Variants in SHISA9 observed in about 807,000 individuals in gnomAD.
SHISA9 encodes shisa family member 9, also known as protein shisa-9.
SHISA9 carries 13 observed loss-of-function variants against 38.0 expected under a neutral mutation model. The observed-to-expected ratio is 0.34, with a 90% CI of 0.22 to 0.54. SHISA9 has a LOEUF of 0.54. Among genes scored for constraint, SHISA9 ranks in the 20% least tolerant of loss-of-function variants. The probability of loss-of-function intolerance (pLI) is 0.91; values close to 1 mark genes in which losing one functional copy is unlikely to be tolerated. For synonymous variants in SHISA9, 275 were observed against 242.0 expected, an observed-to-expected ratio of 1.14 and a Z score of -1.27; for missense variants, 538 against 575.8, an observed-to-expected ratio of 0.93 and a Z score of 0.67.
At chr16:13,442,177 G>A in the SHISA9 span, among the ~76,000 whole-genome samples, 3 of 152,184 alleles carry the variant, frequency 2.0e-5, no homozygotes, top group African/African-American at 4.8e-5. Context: ...TAGTTTTGTT[G>A]TTGATGTTTC....
intron 2 of SHISA9, among the ~76,000 whole-genome samples, chr16:12,933,524 C>G (rs768184012): frequency 1.2e-4 from 19 of 152,140 alleles, no homozygotes; most frequent in Non-Finnish European, 2.4e-4. Context: ...GATTCCTGAC[C>G]TCAGGCGATC....
At chr16:13,389,454 G>C in the SHISA9 span, among the ~76,000 whole-genome samples, 4 of 152,160 alleles carry the variant, frequency 2.6e-5, no homozygotes, top group Admixed American at 2.6e-4. Flanking sequence ...GTGGAAAGCA[G>C]TTCACTATGT....
At chr16:13,041,432 T>C (rs987594985) in intron 2 of SHISA9, among the ~76,000 whole-genome samples, 1 of 152,200 alleles carries the variant, frequency 6.6e-6, no homozygotes, top group Non-Finnish European at 1.5e-5. Flanking sequence ...CTTCCTCCAG[T>C]GCAAACCTTT....
chr16:13,203,544 C>T lies in SHISA9; in HGVS notation c.842C>T (p.Ala281Val). ...KELNKYASLK[A>V]VGSSDGDWAV... is the part of the protein sequence containing the mutation. ...CTCAACAAGTACGCCTCCTTAAAGG[C>T]AGTCGGTAAGTGCCACCTGATGGAT... The change falls in exon 3 of 5, where the codon GCA (alanine) becomes GTA (valine). Residue 281 changes from alanine (A) to valine (V), a missense_variant. By Grantham distance (64) the Ala-to-Val change is moderately conservative. Coordinates refer to ENST00000558583, the MANE Select transcript of SHISA9 (RefSeq NM_001145204.3). 6.5e-7 allele frequency: 1 copy of T among 1,531,482 alleles called. No individual in the cohort carries two copies. Among genetic ancestry groups the T allele is most frequent in the South Asian group, 1.2e-5 (1 of 80,728 alleles). 94.9% of individuals were successfully genotyped at this position (1,531,482 alleles called of 1,614,324 possible).
At chr16:13,286,919 G>A in the SHISA9 span, among the ~76,000 whole-genome samples, 1 of 152,050 alleles carries the variant, frequency 6.6e-6, no homozygotes, top group Non-Finnish European at 1.5e-5. Context: ...TTTTTATTAA[G>A]AACTAAGCTG....
intron 2 of SHISA9, among the ~76,000 whole-genome samples, chr16:13,198,673 G>T (rs962179234): frequency 2.0e-5 from 3 of 152,212 alleles, no homozygotes; most frequent in African/African-American, 7.2e-5. Context: ...TTCCTGTCCA[G>T]TGAAAAGAAA....
At chr16:13,252,216 C>A in the SHISA9 span, among the ~76,000 whole-genome samples, 1 of 152,198 alleles carries the variant, frequency 6.6e-6, no homozygotes, top group East Asian at 1.9e-4. Flanking sequence ...CCAGCCCCCA[C>A]TGGCCTCCTT....
chr16:13,315,366 G>C, the SHISA9 span, among the ~76,000 whole-genome samples: 1 of 152,226 alleles, frequency 6.6e-6, no homozygotes, highest in Non-Finnish European at 1.5e-5. Context: ...GCACATGACA[G>C]GGTCTTAGTA....
chr16:13,282,469 G>C, the SHISA9 span, among the ~76,000 whole-genome samples: 2 of 151,828 alleles, frequency 1.3e-5, no homozygotes, highest in East Asian at 1.9e-4. Flanking sequence ...TAGTTCCTGA[G>C]TGTGGTTATA....
At chr16:13,404,029 G>A in the SHISA9 span, among the ~76,000 whole-genome samples, 1 of 152,164 alleles carries the variant, frequency 6.6e-6, no homozygotes, top group African/African-American at 2.4e-5. Context: ...GGCACGTCTT[G>A]TAAATGGTAG....
At chr16:13,110,163 C>G (rs1381114330) in intron 2 of SHISA9, among the ~76,000 whole-genome samples, 1 of 152,218 alleles carries the variant, frequency 6.6e-6, no homozygotes, top group Non-Finnish European at 1.5e-5. Flanking sequence ...GGAATGCCCT[C>G]CACACATGGC....
chr16:13,006,808 ACT>A (rs1055924986), intron 2 of SHISA9, among the ~76,000 whole-genome samples: 8 of 151,692 alleles, frequency 5.3e-5, no homozygotes, highest in African/African-American at 1.9e-4. Context: ...ACAATTGTCC[ACT>A]CTCTGATCAC....
At chr16:13,172,387 C>T (rs1287399704) in intron 2 of SHISA9, among the ~76,000 whole-genome samples, 1 of 152,188 alleles carries the variant, frequency 6.6e-6, no homozygotes, top group Non-Finnish European at 1.5e-5. Context: ...GGAATAGATA[C>T]TAAATAAAGC....
the SHISA9 span, among the ~76,000 whole-genome samples, chr16:13,320,775 C>T: frequency 6.6e-6 from 1 of 152,214 alleles, no homozygotes; most frequent in Non-Finnish European, 1.5e-5. Context: ...GGCAAAAGCA[C>T]TGAAAGTTTC....
chr16:13,070,832 C>G (rs764783695), intron 2 of SHISA9, among the ~76,000 whole-genome samples: 7 of 152,162 alleles, frequency 4.6e-5, no homozygotes, highest in Non-Finnish European at 8.8e-5. Flanking sequence ...AGCCGGGATT[C>G]GAACCCAGGA....
chr16:13,560,940 T>C, the SHISA9 span, among the ~76,000 whole-genome samples: 1 of 152,140 alleles, frequency 6.6e-6, no homozygotes, highest in Non-Finnish European at 1.5e-5. Context: ...CTCGGCTCAC[T>C]GCAACCTCCA....
At chr16:13,126,064 T>C (rs983680183) in intron 2 of SHISA9, among the ~76,000 whole-genome samples, 1 of 152,220 alleles carries the variant, frequency 6.6e-6, no homozygotes, top group Admixed American at 6.5e-5. Context: ...ATCCAACTCA[T>C]TGACATATTC....
At chr16:13,041,137 T>C (rs2073127562) in intron 2 of SHISA9, among the ~76,000 whole-genome samples, 1 of 152,144 alleles carries the variant, frequency 6.6e-6, no homozygotes, top group African/African-American at 2.4e-5. Context: ...TCCCAACATC[T>C]CAGAGCTGGA....
chr16:13,270,109 C>G, the SHISA9 span, among the ~76,000 whole-genome samples: 2 of 152,186 alleles, frequency 1.3e-5, no homozygotes, highest in Admixed American at 6.5e-5. Context: ...GAGCAATGCC[C>G]TGCCTTGCTC....
Sources: gnomAD v4.1 joint callset for allele counts (sites outside exome capture counted in the v4.1 genomes callset) on GRCh38, gnomAD v4.1.1 for gene constraint, MANE v1.5 for transcripts, NCBI Gene and HGNC (gene_info 2026-07-23, HGNC 2026-07-21) for gene names.